Variants in KCNIP1 observed in about 807,000 individuals in gnomAD.
KCNIP1 encodes the protein potassium voltage-gated channel interacting protein 1, also known as A-type potassium channel modulatory protein KCNIP1.
Under a neutral mutation model 33.0 loss-of-function variants are expected in KCNIP1, and 18 were observed. The ratio of observed to expected loss-of-function variants is 0.55; its 90% CI spans 0.38 to 0.81. The LOEUF (loss-of-function observed/expected upper bound fraction) is 0.81, where lower values mean the gene tolerates loss of function less well. KCNIP1 is among the 30% of genes least tolerant of loss of function. The probability of loss-of-function intolerance (pLI) is 0.00; values close to 1 mark genes in which losing one functional copy is unlikely to be tolerated. For synonymous variants in KCNIP1, 93 were observed against 98.3 expected, an observed-to-expected ratio of 0.95 and a Z score of 0.32; for missense variants, 238 against 271.6, an observed-to-expected ratio of 0.88 and a Z score of 0.87.
intron 1 of KCNIP1, among the ~76,000 whole-genome samples, chr5:170,603,949 G>A (rs1255753590): frequency 2.0e-5 from 3 of 152,220 alleles, no homozygotes; most frequent in Non-Finnish European, 4.4e-5. Context: ...AACAGGAGGT[G>A]GAGGGGAAGA....
intron 1 of KCNIP1, among the ~76,000 whole-genome samples, chr5:170,425,130 G>A (rs554732534): frequency 6.6e-6 from 1 of 152,140 alleles, no homozygotes; most frequent in Non-Finnish European, 1.5e-5. Flanking sequence ...TTACTTTACA[G>A]CACTGAACAC....
intron 1 of KCNIP1, chr5:170,378,486 C>G: frequency 1.7e-6 from 1 of 575,132 alleles, no homozygotes; most frequent in Non-Finnish European, 3.0e-6. Context: ...GGCCTTATGG[C>G]CTCCAAGGCA....
chr5:170,404,512 A>T (rs1203036658), intron 1 of KCNIP1, among the ~76,000 whole-genome samples: 1 of 152,112 alleles, frequency 6.6e-6, no homozygotes, highest in African/African-American at 2.4e-5. Flanking sequence ...AGTCGGTCCC[A>T]GGGGCCTCCC....
At chr5:170,509,787 A>G (rs1236356102) in intron 1 of KCNIP1, among the ~76,000 whole-genome samples, 1 of 152,214 alleles carries the variant, frequency 6.6e-6, no homozygotes, top group East Asian at 1.9e-4. Flanking sequence ...AATTCAGTCA[A>G]GAAGAGTCCT....
intron 1 of KCNIP1, among the ~76,000 whole-genome samples, chr5:170,459,760 T>C (rs1756465691): frequency 6.6e-6 from 1 of 151,890 alleles, no homozygotes; most frequent in Admixed American, 6.6e-5. Context: ...AAATAGATAA[T>C]CTAAAGTCAC....
chr5:170,674,880 G>C (rs75609442), intron 1 of KCNIP1, among the ~76,000 whole-genome samples: 1 of 152,100 alleles, frequency 6.6e-6, no homozygotes, highest in Non-Finnish European at 1.5e-5. Flanking sequence ...AGCCCTGCTG[G>C]ATTCCACAAG....
At chr5:170,408,481 G>A (rs1755095464) in intron 1 of KCNIP1, among the ~76,000 whole-genome samples, 1 of 152,166 alleles carries the variant, frequency 6.6e-6, no homozygotes, top group Non-Finnish European at 1.5e-5. Context: ...CCAAGAGCGT[G>A]AGCAGAATCA....
chr5:170,356,704 G>A (rs1272347014), intron 1 of KCNIP1, among the ~76,000 whole-genome samples: 1 of 152,148 alleles, frequency 6.6e-6, no homozygotes, highest in Non-Finnish European at 1.5e-5. Flanking sequence ...GCTCACCACT[G>A]TGGCCAGAGC....
At chr5:170,678,282 C>T (rs1762216862) in intron 1 of KCNIP1, 1 of 152,218 alleles carries the variant, frequency 6.6e-6, no homozygotes, top group Non-Finnish European at 1.5e-5. Flanking sequence ...TTTGGGTTGT[C>T]ACGCAGACAC....
In KCNIP1 at chr5:170,598,918, T is replaced by C. The variant is rs573785785; in HGVS notation, c.61+94285T>C. Reference sequence around the variant, plus strand: ...GTGTGTGTGCGCGTGTGTGTGTGTGTGTGTGTGTGTGTGTGTGTGTGTGTT... The same window carrying C: ...GTGTGTGTGCGCGTGTGTGTGTGTGCGTGTGTGTGTGTGTGTGTGTGTGTT... On this transcript the variant is annotated intron_variant, in intron 1 of 7. Coordinates refer to ENST00000328939, the MANE Select transcript of KCNIP1 (RefSeq NM_014592.4). Among the ~76,000 whole-genome samples, 15 of 149,844 alleles carry C rather than the reference T, an allele frequency of 1.0e-4. No homozygotes were observed. The East Asian group carries it at 1.4e-3, about 14-fold the overall frequency.
chr5:170,529,575 C>A (rs17649817), intron 1 of KCNIP1, among the ~76,000 whole-genome samples: 16,693 of 152,264 alleles, frequency 0.11, 1,175 homozygotes, highest in Middle Eastern at 0.24. Context: ...CACACTGAGG[C>A]ACCACTTGCC....
At chr5:170,712,644 G>A (rs941384714) in intron 1 of KCNIP1, among the ~76,000 whole-genome samples, 1 of 152,254 alleles carries the variant, frequency 6.6e-6, no homozygotes, top group East Asian at 1.9e-4. Flanking sequence ...GGAGCCATGG[G>A]CACTGGGAGG....
intron 1 of KCNIP1, among the ~76,000 whole-genome samples, chr5:170,494,027 A>G (rs1031075938): frequency 2.6e-5 from 4 of 152,166 alleles, no homozygotes; most frequent in Non-Finnish European, 4.4e-5. Flanking sequence ...GAGCCCATAC[A>G]TCACAGACAG....
chr5:170,483,012 T>C (rs1431908631), intron 1 of KCNIP1: 2 of 443,574 alleles, frequency 4.5e-6, no homozygotes, highest in Non-Finnish European at 4.5e-6. Context: ...TAAATTAAAG[T>C]ATGAGGTGGA....
At chr5:170,675,128 T>C (rs1208284131) in intron 1 of KCNIP1, among the ~76,000 whole-genome samples, 2 of 151,852 alleles carry the variant, frequency 1.3e-5, no homozygotes, top group African/African-American at 4.8e-5. Context: ...TAGTGAGATC[T>C]CTATGTCTAG....
At position 170,561,617 on chromosome 5, in the gene KCNIP1, A is replaced by G. The variant is rs537729051; in HGVS notation, c.61+56984A>G. On this transcript the variant is annotated intron_variant, in intron 1 of 7. Coordinates refer to ENST00000328939, the MANE Select transcript of KCNIP1 (RefSeq NM_014592.4). The stretch of plus-strand genomic sequence containing the variant: ...TATGTTTCTGCCTCTGTGGTTGATC[A>G]CCCTCCATTAGACCAAGGGCTTCTT... Among the ~76,000 whole-genome samples the G allele has an allele frequency of 3.9e-5, 6 of 152,248 alleles. No individual in the cohort carries two copies. The South Asian group carries it at 1.2e-3, about 32-fold the overall frequency.
intron 1 of KCNIP1, among the ~76,000 whole-genome samples, chr5:170,554,347 G>A (rs752830344): frequency 1.3e-5 from 2 of 152,122 alleles, no homozygotes; most frequent in South Asian, 2.1e-4. Context: ...CAGCTTATCC[G>A]GATTCGAGAC....
intron 1 of KCNIP1, among the ~76,000 whole-genome samples, chr5:170,388,441 T>A (rs879364819): frequency 2.6e-5 from 4 of 152,216 alleles, no homozygotes; most frequent in Non-Finnish European, 5.9e-5. Context: ...ATAGGAGGGA[T>A]TTCAGTTAGA....
chr5:170,552,608 G>C lies in KCNIP1; in HGVS notation c.61+47975G>C, dbSNP rs1047638677. ...TCCAGACCAGTCAGGGAGAAGGGGA[G>C]TGAGGGTGGTTGTGGTTGGACCACA... is the stretch of plus-strand genomic sequence containing the variant. On this transcript the variant is annotated intron_variant, in intron 1 of 7. Transcript: ENST00000328939. Among the ~76,000 whole-genome samples, 9 of 152,330 alleles carry C rather than the reference G, an allele frequency of 5.9e-5. No homozygotes were observed. The East Asian group carries it at 1.7e-3, about 29-fold the overall frequency.
Sources: allele counts gnomAD v4.1 joint callset (sites outside exome capture counted in the v4.1 genomes callset), GRCh38; gene constraint gnomAD v4.1.1; transcripts MANE v1.5; gene names NCBI Gene and HGNC (gene_info 2026-07-23, HGNC 2026-07-21).